ZYG11B: variants seen among roughly 807,000 people sequenced by gnomAD.
The protein encoded by ZYG11B is zyg-11 family member B, cell cycle regulator.
Under a neutral mutation model 82.4 loss-of-function variants are expected in ZYG11B, and 36 were observed. That is an observed-to-expected ratio of 0.44 (90% CI 0.33 to 0.58). ZYG11B has a LOEUF of 0.58. Among genes scored for constraint, ZYG11B ranks in the 20% least tolerant of loss-of-function variants. The pLI is 0.02. For synonymous variants in ZYG11B, 303 were observed against 312.8 expected, an observed-to-expected ratio of 0.97 and a Z score of 0.33; for missense variants, 552 against 895.6, an observed-to-expected ratio of 0.62 and a Z score of 4.90.
intron 6 of ZYG11B, among the ~76,000 whole-genome samples, chr1:52,795,662 A>G (rs987352700): frequency 6.6e-6 from 1 of 152,072 alleles, no homozygotes. Flanking sequence ...AAAAGTTTCA[A>G]TGAGGCCTTC....
At chr1:52,813,414 C>T (rs1207455656) in intron 10 of ZYG11B, 122 bp from the exon 11 acceptor site, 2 of 742,806 alleles carry the variant, frequency 2.7e-6, no homozygotes, top group Admixed American at 6.0e-5. Flanking sequence ...AATACTTTCT[C>T]TCAGGGAAAT....
Position 52,801,340 on chromosome 1 carries a change from A to G in ZYG11B, c.1486-479A>G, listed in dbSNP as rs114997967. Among the ~76,000 whole-genome samples, 843 of 152,098 alleles carry G rather than the reference A, an allele frequency of 5.5e-3. 9 individuals carry two copies. Among genetic ancestry groups the G allele is most frequent in the African/African-American group, 0.02 (812 of 41,496 alleles). ...GGAGTTGGATAGATTAGGTCTTCCT[A>G]TTCTTACTTTCTCTGACTAAATTGA... is the stretch of plus-strand genomic sequence containing the variant. On this transcript the variant is annotated intron_variant, in intron 8 of 13. Coordinates refer to ENST00000294353, the MANE Select transcript of ZYG11B (RefSeq NM_024646.3).
chr1:52,811,346 T>C (rs556929650), intron 10 of ZYG11B, among the ~76,000 whole-genome samples: 2 of 152,222 alleles, frequency 1.3e-5, no homozygotes, highest in Non-Finnish European at 2.9e-5. Flanking sequence ...CTGCTTCTTC[T>C]ATGACTTCAG....
chr1:52,762,703 C>T (rs1022864218), intron 2 of ZYG11B, among the ~76,000 whole-genome samples: 1 of 152,096 alleles, frequency 6.6e-6, no homozygotes, highest in African/African-American at 2.4e-5. Flanking sequence ...GCCTCAGCCT[C>T]CCAAGTAGCT....
chr1:52,774,249 TC>T (rs1361647713), intron 3 of ZYG11B, among the ~76,000 whole-genome samples: 2 of 151,082 alleles, frequency 1.3e-5, no homozygotes, highest in African/African-American at 2.4e-5. Context: ...GAGTGGATCC[TC>T]CTGGCTTAGC....
Position 52,821,496 on chromosome 1 carries a change from T to A in ZYG11B, c.2102T>A (p.Ile701Asn). ...GGAGGATTGCAGCATTTATACAACA[T>A]CAAAGATCATGAACATACTGATCCC... Reference protein sequence around the residue: ...EEGGLQHLYNIKDHEHTDPHV... With the variant: ...EEGGLQHLYNNKDHEHTDPHV... Residue 701 changes from isoleucine to asparagine, a missense_variant, in exon 14 of 14, where the codon ATC (isoleucine) becomes AAC (asparagine). Coordinates refer to ENST00000294353, the MANE Select transcript of ZYG11B (RefSeq NM_024646.3). 6.2e-7 allele frequency: 1 copy of A among 1,613,650 alleles called. No homozygotes were observed. The highest frequency in any genetic ancestry group is 1.3e-5 in the African/African-American group (1 of 75,024).
intron 1 of ZYG11B, among the ~76,000 whole-genome samples, chr1:52,738,334 A>G (rs1644395407): frequency 6.6e-6 from 1 of 151,960 alleles, no homozygotes; most frequent in African/African-American, 2.4e-5. Context: ...GTTTGACACC[A>G]TGCCCGGCTA....
intron 13 of ZYG11B, among the ~76,000 whole-genome samples, chr1:52,817,987 A>G (rs1204179977): frequency 7.4e-5 from 11 of 149,280 alleles, no homozygotes; most frequent in African/African-American, 2.2e-4. Flanking sequence ...ATAGGCCTGC[A>G]CCACCACACC....
intron 10 of ZYG11B, among the ~76,000 whole-genome samples, chr1:52,803,083 T>TATACAC (rs1313322294): frequency 6.3e-4 from 24 of 38,252 alleles, no homozygotes; most frequent in African/African-American, 2.3e-3. Flanking sequence ...TATATATATA[T>TATACAC]ACACATATAT....
intron 1 of ZYG11B, among the ~76,000 whole-genome samples, chr1:52,745,902 C>T (rs1383300800): frequency 7.6e-6 from 1 of 131,962 alleles, no homozygotes; most frequent in Non-Finnish European, 1.6e-5. Flanking sequence ...GAATTTTACT[C>T]TTGTTGCCCA....
intron 5 of ZYG11B, among the ~76,000 whole-genome samples, chr1:52,789,304 T>C (rs571699101): frequency 1.2e-4 from 19 of 152,312 alleles, no homozygotes; most frequent in Admixed American, 2.6e-4. Context: ...TCTTTTTAGA[T>C]AAGAAATCTT....
At chr1:52,760,209 A>G (rs1397586172) in intron 2 of ZYG11B, among the ~76,000 whole-genome samples, 1 of 152,228 alleles carries the variant, frequency 6.6e-6, no homozygotes, top group Non-Finnish European at 1.5e-5. Flanking sequence ...TTGGGAGGCC[A>G]AGGCAGGCGA....
chr1:52,760,962 C>T (rs1644625240), intron 2 of ZYG11B, among the ~76,000 whole-genome samples: 1 of 151,872 alleles, frequency 6.6e-6, no homozygotes, highest in African/African-American at 2.4e-5. Context: ...AGGGTTTCAC[C>T]ATGTTGGCCA....
chr1:52,761,504 G>C (rs769833039), intron 2 of ZYG11B, among the ~76,000 whole-genome samples: 2 of 152,128 alleles, frequency 1.3e-5, no homozygotes, highest in Non-Finnish European at 2.9e-5. Context: ...ATTTTGCTGT[G>C]AATGACAGGA....
Position 52,811,169 on chromosome 1 carries a change from T to C in ZYG11B, c.1696-2367T>C, listed in dbSNP as rs140129358. On this transcript the variant is annotated intron_variant, in intron 10 of 13. Transcript: ENST00000294353. The stretch of plus-strand genomic sequence containing the variant: ...CTCACGTGTTGTTTACCTAACAAAG[T>C]TTTTTATTTTGCTTTGATTTTTTGA... Among the ~76,000 whole-genome samples the C allele has an allele frequency of 1.4e-3, 220 of 152,252 alleles. 2 individuals are homozygous for C. The highest frequency in any genetic ancestry group is 5.0e-3 in the African/African-American group (207 of 41,570).
intron 2 of ZYG11B, among the ~76,000 whole-genome samples, chr1:52,757,289 A>C (rs1275742361): frequency 6.6e-6 from 1 of 152,100 alleles, no homozygotes; most frequent in Non-Finnish European, 1.5e-5. Context: ...CTGGGATCAT[A>C]GGCATGAGCC....
At chr1:52,819,100 A>G (rs1360992350) in intron 13 of ZYG11B, among the ~76,000 whole-genome samples, 3 of 152,094 alleles carry the variant, frequency 2.0e-5, no homozygotes, top group African/African-American at 7.2e-5. Flanking sequence ...TGTTTGATGA[A>G]AACTCACTGC....
chr1:52,806,390 G>A (rs1645141761), intron 10 of ZYG11B, among the ~76,000 whole-genome samples: 1 of 152,126 alleles, frequency 6.6e-6, no homozygotes, highest in African/African-American at 2.4e-5. Flanking sequence ...CTGCCTACCT[G>A]TTCTATCAAT....
chr1:52,785,309 T>A (rs1326731142), intron 5 of ZYG11B, among the ~76,000 whole-genome samples: 1 of 152,164 alleles, frequency 6.6e-6, no homozygotes, highest in African/African-American at 2.4e-5. Context: ...TTGTGATCAT[T>A]TCAGCAGATA....
Sources: gnomAD v4.1 joint callset for allele counts (sites outside exome capture counted in the v4.1 genomes callset) on GRCh38, gnomAD v4.1.1 for gene constraint, MANE v1.5 for transcripts, NCBI Gene and HGNC (gene_info 2026-07-23, HGNC 2026-07-21) for gene names.